Variants in LINGO2 observed in about 807,000 individuals in gnomAD.
LINGO2 encodes leucine-rich repeat and immunoglobulin-like domain-containing nogo receptor-interacting protein 2.
LINGO2 carries 14 observed loss-of-function variants against 30.6 expected under a neutral mutation model. That is an observed-to-expected ratio of 0.46 (90% CI 0.30 to 0.72). LINGO2 has a LOEUF of 0.72. LINGO2 is among the 30% of genes least tolerant of loss of function. The pLI, the probability that LINGO2 is intolerant of heterozygous loss-of-function variation, is 0.07. For synonymous variants in LINGO2, 317 were observed against 288.5 expected (o/e 1.10, Z -1.00); for missense variants, 729 against 751.7 (o/e 0.97, Z 0.35).
chr9:28,071,002 A>G (rs1345357784), intron 4 of LINGO2, among the ~76,000 whole-genome samples: 3 of 152,220 alleles, frequency 2.0e-5, no homozygotes, highest in South Asian at 4.1e-4. Context: ...GGCCTAAGCC[A>G]CCATGCCTGG....
chr9:28,515,288 G>C (rs541424085), intron 1 of LINGO2, among the ~76,000 whole-genome samples: 80 of 147,694 alleles, frequency 5.4e-4, no homozygotes, highest in African/African-American at 2.0e-3. Context: ...CTCACTGCAA[G>C]CTCCGCCTCC....
At chr9:28,206,594 A>G (rs1820417880) in intron 4 of LINGO2, among the ~76,000 whole-genome samples, 1 of 152,184 alleles carries the variant, frequency 6.6e-6, no homozygotes, top group Non-Finnish European at 1.5e-5. Context: ...ATCTTGAACT[A>G]GAATGACTCC....
chr9:28,054,566 A>C (rs1824829865), intron 4 of LINGO2, among the ~76,000 whole-genome samples: 1 of 152,138 alleles, frequency 6.6e-6, no homozygotes, highest in South Asian at 2.1e-4. Context: ...CTGTTTAAAA[A>C]ATTTTAGAAG....
the LINGO2 span, among the ~76,000 whole-genome samples, chr9:29,008,242 C>G: frequency 6.6e-6 from 1 of 152,130 alleles, no homozygotes; most frequent in Non-Finnish European, 1.5e-5. Context: ...CATATCCCTA[C>G]AAAGGACAGG....
At chr9:28,929,246 A>G in the LINGO2 span, among the ~76,000 whole-genome samples, 1 of 152,232 alleles carries the variant, frequency 6.6e-6, no homozygotes, top group African/African-American at 2.4e-5. Context: ...GAGTTTACTT[A>G]GAGACTCAGC....
the LINGO2 span, among the ~76,000 whole-genome samples, chr9:28,848,586 A>G: frequency 6.6e-6 from 1 of 150,652 alleles, no homozygotes; most frequent in African/African-American, 2.4e-5. Flanking sequence ...ACTCATCTCA[A>G]CAAGACCCTC....
At chr9:28,931,819 C>T in the LINGO2 span, among the ~76,000 whole-genome samples, 1 of 151,912 alleles carries the variant, frequency 6.6e-6, no homozygotes, top group African/African-American at 2.4e-5. Context: ...CTTCAAAAGG[C>T]AGTGGCGGGG....
the LINGO2 span, among the ~76,000 whole-genome samples, chr9:28,741,226 T>C: frequency 1.3e-5 from 2 of 151,920 alleles, no homozygotes; most frequent in South Asian, 4.1e-4. Flanking sequence ...GGCCTAGCAT[T>C]GGATAGGACT....
chr9:29,018,797 GA>G, the LINGO2 span, among the ~76,000 whole-genome samples: 38 of 152,244 alleles, frequency 2.5e-4, no homozygotes, highest in South Asian at 2.9e-3. Flanking sequence ...TGTACTAAAA[GA>G]TATCTCAAGC....
intron 4 of LINGO2, among the ~76,000 whole-genome samples, chr9:28,239,664 C>G (rs566620399): frequency 6.6e-6 from 1 of 152,104 alleles, no homozygotes; most frequent in Non-Finnish European, 1.5e-5. Context: ...ATGACAAACC[C>G]ATAGCTAGTA....
At chr9:28,039,173 G>C (rs772793811) in intron 4 of LINGO2, among the ~76,000 whole-genome samples, 15 of 152,110 alleles carry the variant, frequency 9.9e-5, no homozygotes, top group Non-Finnish European at 2.1e-4. Flanking sequence ...AGTATAAGTA[G>C]GCCGTGGGCA....
chr9:28,694,667 C>CA, the LINGO2 span, among the ~76,000 whole-genome samples: 1 of 151,954 alleles, frequency 6.6e-6, no homozygotes, highest in Non-Finnish European at 1.5e-5. Flanking sequence ...AACTTACCCA[C>CA]AATCACACAG....
intron 2 of LINGO2, among the ~76,000 whole-genome samples, chr9:28,456,403 C>T (rs78910027): frequency 0.028 from 4,299 of 152,266 alleles, 204 homozygotes; most frequent in African/African-American, 0.097. Flanking sequence ...TGTCTTCTAA[C>T]TCAGAGGCAT....
the LINGO2 span, among the ~76,000 whole-genome samples, chr9:28,981,374 A>AGAGG: frequency 4.6e-5 from 7 of 151,586 alleles, no homozygotes; most frequent in Non-Finnish European, 1.0e-4. Flanking sequence ...AGATCCTTAG[A>AGAGG]TTATAAAACC....
the LINGO2 span, among the ~76,000 whole-genome samples, chr9:29,040,652 T>G: frequency 1.3e-5 from 2 of 151,730 alleles, no homozygotes; most frequent in African/African-American, 4.8e-5. Context: ...AAATCAAAAG[T>G]ATAAATAAAA....
intron 1 of LINGO2, among the ~76,000 whole-genome samples, chr9:28,594,000 T>A (rs1223669250): frequency 6.6e-6 from 1 of 150,520 alleles, no homozygotes; most frequent in Non-Finnish European, 1.5e-5. Context: ...TTTCACTATT[T>A]AAAAAAAAAG....
intron 3 of LINGO2, among the ~76,000 whole-genome samples, chr9:28,318,627 AG>A: frequency 6.6e-6 from 1 of 152,304 alleles, no homozygotes; most frequent in Non-Finnish European, 1.5e-5. Context: ...TGAGCTCCAA[AG>A]GACAGAGAGA....
At chr9:28,239,841 A>T (rs1173476579) in intron 4 of LINGO2, among the ~76,000 whole-genome samples, 1 of 152,192 alleles carries the variant, frequency 6.6e-6, no homozygotes, top group Non-Finnish European at 1.5e-5. Flanking sequence ...AAAATGTCAA[A>T]TTATCCTTCT....
intron 2 of LINGO2, among the ~76,000 whole-genome samples, chr9:28,405,715 G>A (rs113794165): frequency 3.5e-4 from 53 of 152,138 alleles, no homozygotes; most frequent in Non-Finnish European, 5.4e-4. Flanking sequence ...TTTAGAATAA[G>A]ACAAACTTCT....
Sources: allele counts gnomAD v4.1 joint callset (sites outside exome capture counted in the v4.1 genomes callset), GRCh38; gene constraint gnomAD v4.1.1; transcripts MANE v1.5; gene names NCBI Gene and HGNC (gene_info 2026-07-23, HGNC 2026-07-21).